Variants in LINGO2 observed in about 807,000 individuals in gnomAD.
The protein encoded by LINGO2 is leucine rich repeat and Ig domain containing 2.
Under a neutral mutation model 30.6 loss-of-function variants are expected in LINGO2, and 14 were observed. The ratio of observed to expected loss-of-function variants is 0.46; its 90% CI spans 0.30 to 0.72. The LOEUF is 0.72. Ranked by LOEUF, LINGO2 falls within the 30% of genes least tolerant of loss-of-function variation. LINGO2 has a pLI of 0.07. For synonymous variants in LINGO2, 317 were observed against 288.5 expected (o/e 1.10, Z -1.00); for missense variants, 729 against 751.7 (o/e 0.97, Z 0.35).
At chr9:28,581,213 T>A (rs1824241543) in intron 1 of LINGO2, among the ~76,000 whole-genome samples, 1 of 151,862 alleles carries the variant, frequency 6.6e-6, no homozygotes. Context: ...TTTCTTACAG[T>A]AAGAAAACAT....
chr9:29,042,281 C>G, the LINGO2 span, among the ~76,000 whole-genome samples: 1 of 151,934 alleles, frequency 6.6e-6, no homozygotes, highest in Non-Finnish European at 1.5e-5. Context: ...AATATAGCCA[C>G]TCTGGAAACT....
At chr9:28,013,798 T>C (rs1822680099) in intron 4 of LINGO2, among the ~76,000 whole-genome samples, 1 of 152,194 alleles carries the variant, frequency 6.6e-6, no homozygotes, top group African/African-American at 2.4e-5. Flanking sequence ...TTCAAGGGAA[T>C]TTATTACCTT....
chr9:28,768,603 GA>G, the LINGO2 span, among the ~76,000 whole-genome samples: 1 of 133,122 alleles, frequency 7.5e-6, no homozygotes, highest in East Asian at 2.2e-4. Flanking sequence ...CTGTTTAGTA[GA>G]CAGACTGGGA....
chr9:28,993,111 A>C, the LINGO2 span, among the ~76,000 whole-genome samples: 2 of 152,236 alleles, frequency 1.3e-5, no homozygotes, highest in Non-Finnish European at 2.9e-5. Flanking sequence ...AAATTGACAG[A>C]CCGCTAGCAA....
chr9:28,548,448 G>C (rs1019706968), intron 1 of LINGO2, among the ~76,000 whole-genome samples: 2 of 152,054 alleles, frequency 1.3e-5, no homozygotes, highest in African/African-American at 2.4e-5. Flanking sequence ...GCTCATGCCT[G>C]TAATCCCAGT....
intron 1 of LINGO2, among the ~76,000 whole-genome samples, chr9:28,494,973 G>A (rs959487680): frequency 9.2e-5 from 14 of 152,194 alleles, no homozygotes; most frequent in Non-Finnish European, 1.6e-4. Context: ...GGCCAGTGAT[G>A]ATGAGCATTT....
chr9:29,094,162 A>G, the LINGO2 span, among the ~76,000 whole-genome samples: 2 of 138,958 alleles, frequency 1.4e-5, no homozygotes, highest in Non-Finnish European at 3.1e-5. Context: ...CAATGTCCTT[A>G]AAAAACAAAA....
chr9:28,701,907 C>T, the LINGO2 span, among the ~76,000 whole-genome samples: 2 of 151,804 alleles, frequency 1.3e-5, no homozygotes. Flanking sequence ...GTAAACAGTA[C>T]TGTGTTTTTA....
intron 4 of LINGO2, among the ~76,000 whole-genome samples, chr9:28,152,542 T>A (rs1274223534): frequency 6.6e-6 from 1 of 152,004 alleles, no homozygotes; most frequent in African/African-American, 2.4e-5. Flanking sequence ...CCAAGTGGAA[T>A]GAAACAAAAA....
chr9:28,647,289 G>C (rs1827884286), intron 1 of LINGO2, among the ~76,000 whole-genome samples: 1 of 151,982 alleles, frequency 6.6e-6, no homozygotes, highest in Non-Finnish European at 1.5e-5. Flanking sequence ...AACTTATTAT[G>C]ACTACTTAAA....
At chr9:29,189,080 CG>C in the LINGO2 span, among the ~76,000 whole-genome samples, 1 of 77,052 alleles carries the variant, frequency 1.3e-5, no homozygotes, top group Non-Finnish European at 3.2e-5. Context: ...ACCTCCATCC[CG>C]GACGGGGCGG....
chr9:29,074,967 C>CG, the LINGO2 span, among the ~76,000 whole-genome samples: 6 of 151,912 alleles, frequency 3.9e-5, no homozygotes, highest in Non-Finnish European at 8.8e-5. Flanking sequence ...TGAGCCACCG[C>CG]GCCAGGCCCA....
intron 2 of LINGO2, among the ~76,000 whole-genome samples, chr9:28,420,393 T>A (rs1363873324): frequency 6.6e-6 from 1 of 152,050 alleles, no homozygotes; most frequent in Non-Finnish European, 1.5e-5. Flanking sequence ...TAGTTTTTAA[T>A]TTAAACTTGC....
chr9:28,994,621 C>G, the LINGO2 span, among the ~76,000 whole-genome samples: 1 of 151,334 alleles, frequency 6.6e-6, no homozygotes, highest in Non-Finnish European at 1.5e-5. Flanking sequence ...TCAAACTATA[C>G]TACAAGGCTA....
chr9:28,656,852 C>T (rs1469099724), intron 1 of LINGO2, among the ~76,000 whole-genome samples: 2 of 152,042 alleles, frequency 1.3e-5, no homozygotes, highest in African/African-American at 4.8e-5. Context: ...AGAGATGTCA[C>T]TTCCCAGACT....
the LINGO2 span, among the ~76,000 whole-genome samples, chr9:29,161,878 A>T: frequency 6.6e-6 from 1 of 151,758 alleles, no homozygotes; most frequent in Non-Finnish European, 1.5e-5. Context: ...ACCTCATCAC[A>T]GTTCATTGGG....
At chr9:29,140,932 T>C in the LINGO2 span, among the ~76,000 whole-genome samples, 1 of 151,960 alleles carries the variant, frequency 6.6e-6, no homozygotes, top group African/African-American at 2.4e-5. Context: ...CCCCAGAAAC[T>C]GGTCCCTCAA....
the LINGO2 span, among the ~76,000 whole-genome samples, chr9:29,071,544 T>A: frequency 6.9e-6 from 1 of 144,880 alleles, no homozygotes; most frequent in African/African-American, 2.6e-5. Context: ...CACACACCTA[T>A]TAAGTAAGCA....
the LINGO2 span, among the ~76,000 whole-genome samples, chr9:28,883,958 G>A: frequency 5.3e-5 from 8 of 151,518 alleles, no homozygotes; most frequent in African/African-American, 1.5e-4. Context: ...GATTACAGGC[G>A]TGAGCCACCG....
Sources: allele counts gnomAD v4.1 joint callset (sites outside exome capture counted in the v4.1 genomes callset), GRCh38; gene constraint gnomAD v4.1.1; transcripts MANE v1.5; gene names NCBI Gene and HGNC (gene_info 2026-07-23, HGNC 2026-07-21).